MEGF11: variants seen among roughly 807,000 people sequenced by gnomAD.
The protein encoded by MEGF11 is multiple epidermal growth factor-like domains protein 11.
A neutral mutation model predicts 146.6 loss-of-function variants in MEGF11; 126 were observed. That is an observed-to-expected ratio of 0.86 (90% CI 0.74 to 1.00). The LOEUF (loss-of-function observed/expected upper bound fraction) is 1.00. MEGF11 is among the 50% of genes least tolerant of loss of function. The pLI is 0.00. For synonymous variants in MEGF11, 532 were observed against 583.4 expected (o/e 0.91, Z 1.27); for missense variants, 1,509 against 1,521.2 (o/e 0.99, Z 0.13).
At chr15:66,148,064 C>T (rs769402787) in intron 1 of MEGF11, among the ~76,000 whole-genome samples, 1 of 152,142 alleles carries the variant, frequency 6.6e-6, no homozygotes, top group Non-Finnish European at 1.5e-5. Flanking sequence ...CCGAAGCCAT[C>T]TAGTACAGTC....
chr15:66,194,437 C>A (rs1251954853), intron 1 of MEGF11, among the ~76,000 whole-genome samples: 1 of 152,074 alleles, frequency 6.6e-6, no homozygotes, highest in Non-Finnish European at 1.5e-5. Context: ...GGTAAAACCC[C>A]ATCTCTACTA....
At chr15:66,107,058 C>CCA (rs1461661108) in intron 4 of MEGF11, among the ~76,000 whole-genome samples, 2 of 140,724 alleles carry the variant, frequency 1.4e-5, no homozygotes, top group African/African-American at 5.4e-5. Context: ...ATTCCTACCC[C>CCA]CCCACCAGGT....
intron 5 of MEGF11, among the ~76,000 whole-genome samples, chr15:66,064,146 T>C (rs573390219): frequency 6.6e-6 from 1 of 152,238 alleles, no homozygotes; most frequent in Admixed American, 6.5e-5. Context: ...GGAAGGCAGA[T>C]CACTTGAGGT....
intron 4 of MEGF11, among the ~76,000 whole-genome samples, chr15:66,113,517 T>G (rs28411692): frequency 0.17 from 25,179 of 151,058 alleles, 2,231 homozygotes; most frequent in African/African-American, 0.21. Flanking sequence ...CAGTGAGGCA[T>G]GCTTTCTCCC....
intron 1 of MEGF11, among the ~76,000 whole-genome samples, chr15:66,172,101 G>A (rs189165212): frequency 2.6e-5 from 4 of 152,298 alleles, no homozygotes; most frequent in African/African-American, 7.2e-5. Context: ...ACGGATGGTG[G>A]CGGTGGATGG....
In MEGF11 at chr15:66,035,289, A is replaced by ACTG. The variant is rs1180235965; in HGVS notation, c.395-52804_395-52802dup. On this transcript the variant is annotated intron_variant, in intron 5 of 25. Coordinates refer to ENST00000395614, the MANE Select transcript of MEGF11 (RefSeq NM_001385028.1). The stretch of plus-strand genomic sequence containing the variant: ...TACTACAATCACCATGACTACTACT[A>ACTG]CTGCTGCTGCTGCCGCTGGTGCTGC... Among the ~76,000 whole-genome samples, 8 of 152,170 alleles carry ACTG rather than the reference A, an allele frequency of 5.3e-5. No homozygotes were observed. In the South Asian group the frequency reaches 8.3e-4, roughly 16 times the overall value.
At chr15:66,115,972 G>A (rs577332731) in intron 4 of MEGF11, among the ~76,000 whole-genome samples, 2 of 152,222 alleles carry the variant, frequency 1.3e-5, no homozygotes, top group East Asian at 3.9e-4. Flanking sequence ...CGGTGAAGCC[G>A]CCCAGCCTGT....
At chr15:65,973,253 A>G (rs2141626749) in intron 7 of MEGF11, among the ~76,000 whole-genome samples, 1 of 152,348 alleles carries the variant, frequency 6.6e-6, no homozygotes, top group East Asian at 1.9e-4. Flanking sequence ...GCTATGCTGC[A>G]GGCCTGGAGA....
chr15:65,927,266 T>A (rs533733975), intron 13 of MEGF11, among the ~76,000 whole-genome samples: 2 of 152,196 alleles, frequency 1.3e-5, no homozygotes, highest in African/African-American at 4.8e-5. Flanking sequence ...GATAATTATC[T>A]GTATTTTATG....
At chr15:66,016,674 T>C (rs904652146) in intron 5 of MEGF11, among the ~76,000 whole-genome samples, 17 of 152,230 alleles carry the variant, frequency 1.1e-4, no homozygotes, top group African/African-American at 3.9e-4. Context: ...AAGTGAGTTA[T>C]TATTTGTAAA....
rs572763121 is a variant in MEGF11, at chr15:66,228,286, G to A, written c.-9+25319C>T. ...CAAGTAGGAGAGTCAATAAAGTGAC[G>A]GAGCCCTGCCCAGGGGCTTACGAAG... On this transcript the variant is annotated intron_variant, in intron 1 of 25. Coordinates refer to ENST00000395614, the MANE Select transcript of MEGF11 (RefSeq NM_001385028.1). Among the ~76,000 whole-genome samples the A allele has an allele frequency of 2.0e-5, 3 of 152,104 alleles. No homozygotes were observed. In the East Asian group the frequency reaches 5.8e-4, roughly 30 times the overall value.
At chr15:65,924,510 A>G (rs1483126505) in intron 13 of MEGF11, among the ~76,000 whole-genome samples, 3 of 151,382 alleles carry the variant, frequency 2.0e-5, no homozygotes, top group African/African-American at 7.3e-5. Context: ...GGCATCATAG[A>G]TTGACTAGAG....
chr15:66,056,449 T>C (rs1413979538), intron 5 of MEGF11, among the ~76,000 whole-genome samples: 5 of 152,192 alleles, frequency 3.3e-5, no homozygotes, highest in Non-Finnish European at 7.3e-5. Context: ...AGGTACTTAA[T>C]AGCTATTGAT....
intron 1 of MEGF11, among the ~76,000 whole-genome samples, chr15:66,191,266 CG>C (rs2090869477): frequency 2.6e-5 from 4 of 152,182 alleles, no homozygotes; most frequent in African/African-American, 7.2e-5. Flanking sequence ...GGCCGCTCTC[CG>C]GGCTGGCCAT....
At chr15:66,028,310 C>T (rs537702596) in intron 5 of MEGF11, among the ~76,000 whole-genome samples, 83 of 152,302 alleles carry the variant, frequency 5.4e-4, no homozygotes, top group Non-Finnish European at 1.5e-4. Flanking sequence ...TGTTAGAAAG[C>T]CAGTAAATGC....
rs35017296 is a variant in MEGF11 at position 65,984,525 on chromosome 15, C to CAAAAAAAAAAAAAAAAA, written c.395-2054_395-2038dup. On this transcript the variant is annotated intron_variant, in intron 5 of 25. Coordinates refer to ENST00000395614, the MANE Select transcript of MEGF11 (RefSeq NM_001385028.1). ...TGGGCGATAGAGCAAGACTCCGTGT[C>CAAAAAAAAAAAAAAAAA]AAAAAAAAAAAAAAAAAAAAAAAAA... Among the ~76,000 whole-genome samples, 2 of 49,518 alleles carry CAAAAAAAAAAAAAAAAA rather than the reference C, an allele frequency of 4.0e-5. 1 individual carries two copies. Among genetic ancestry groups the CAAAAAAAAAAAAAAAAA allele is most frequent in the African/African-American group, 1.8e-4 (2 of 11,372 alleles). The allele number at this position is 49,518 out of a possible 152,430, so 32.5% of individuals were successfully genotyped here.
At chr15:65,964,488 C>G (rs2080986745) in intron 9 of MEGF11, among the ~76,000 whole-genome samples, 1 of 151,314 alleles carries the variant, frequency 6.6e-6, no homozygotes. Flanking sequence ...GCCCGTGTCT[C>G]TGGTTGGATG....
Position 65,946,593 on chromosome 15 carries a change from A to G in MEGF11, c.1287+10954T>C, listed in dbSNP as rs140313898. On this transcript the variant is annotated intron_variant, in intron 10 of 25. Coordinates refer to ENST00000395614, the MANE Select transcript of MEGF11 (RefSeq NM_001385028.1). ...TTTTTAATAGAGATGGGGTTTCACC[A>G]TGTTGGCCAGGCTGCTCTCGAACTC... is the stretch of plus-strand genomic sequence containing the variant. 3.4e-4 allele frequency among the ~76,000 whole-genome samples: 52 copies of G among 152,224 alleles called. No individual in the cohort carries two copies. In the Middle Eastern group the frequency reaches 0.01, roughly 30 times the overall value.
chr15:66,162,856 A>AG lies in MEGF11; in HGVS notation c.-8-34446_-8-34445insC, dbSNP rs199997320. Among the ~76,000 whole-genome samples the AG allele has an allele frequency of 2.9e-3, 435 of 152,104 alleles. 3 individuals are homozygous for AG. Among genetic ancestry groups the AG allele is most frequent in the East Asian group, 0.016 (82 of 5,162 alleles). Reference sequence around the variant, plus strand: ...TTTTCGAGGAAAAGAAATGAGAGAGAAAAAAAAGAAATCTAATTGAATTAC... The same window carrying AG: ...TTTTCGAGGAAAAGAAATGAGAGAGAGAAAAAAAGAAATCTAATTGAATTAC... On this transcript the variant is annotated intron_variant, in intron 1 of 25. Coordinates refer to ENST00000395614, the MANE Select transcript of MEGF11 (RefSeq NM_001385028.1).
Sources: gnomAD v4.1 joint callset for allele counts (sites outside exome capture counted in the v4.1 genomes callset) on GRCh38, gnomAD v4.1.1 for gene constraint, MANE v1.5 for transcripts, NCBI Gene and HGNC (gene_info 2026-07-23, HGNC 2026-07-21) for gene names.